Variants in COG6 observed in about 807,000 individuals in gnomAD.
COG6 encodes the protein conserved oligomeric Golgi complex subunit 6.
In COG6, 74 loss-of-function variants were observed where a neutral mutation model predicts 88.8. The observed-to-expected ratio is 0.83, with a 90% confidence interval of 0.69 to 1.01. The LOEUF (loss-of-function observed/expected upper bound fraction) is 1.01, where lower values mean the gene tolerates loss of function less well. COG6 is among the 50% of genes least tolerant of loss of function. The pLI, the probability that COG6 is intolerant of heterozygous loss-of-function variation, is 0.00. For missense variants in COG6, 800 were observed against 797.9 expected (o/e 1.00, Z -0.03); for synonymous variants, 286 against 278.7 (o/e 1.03, Z -0.26).
chr13:39,781,650 C>T (rs1457139773), intron 18 of COG6, among the ~76,000 whole-genome samples: 1 of 152,014 alleles, frequency 6.6e-6, no homozygotes. Context: ...TTCTCCCACC[C>T]CAATTCCCCC....
At position 39,655,684 on chromosome 13, in the gene COG6, C is replaced by A. The variant is rs374821573; in HGVS notation, c.-43C>A. ...AATACTCGCGCTGCCTCCGTGGTCC[C>A]TGCCTGGCTGAGGTGGCAGCAGGGG... On this transcript the variant is annotated 5_prime_UTR_variant, in exon 1 of 19. The change creates a new upstream start codon in the 5' untranslated region. Transcript: ENST00000455146. The A allele has an allele frequency of 4.5e-6, 7 of 1,554,936 alleles. No individual in the cohort carries two copies. In the South Asian group the frequency reaches 4.7e-5, roughly 10 times the overall value.
chr13:39,685,913 A>G lies in COG6; in HGVS notation c.789-1590A>G, dbSNP rs147012078. Reference sequence around the variant, plus strand: ...GGAATCTCAAAACCATTTCTTTTTAATGGAAGACAAACCCACAAAGAACCA... The same window carrying G: ...GGAATCTCAAAACCATTTCTTTTTAGTGGAAGACAAACCCACAAAGAACCA... On this transcript the variant is annotated intron_variant, in intron 8 of 18. Transcript: ENST00000455146. Among the ~76,000 whole-genome samples the G allele has an allele frequency of 6.7e-3, 1,013 of 152,274 alleles. 43 individuals are homozygous for G. The highest frequency in any genetic ancestry group is 0.056 in the Admixed American group (859 of 15,286).
chr13:39,736,258 G>T (rs1191456192), intron 18 of COG6, among the ~76,000 whole-genome samples: 1 of 151,730 alleles, frequency 6.6e-6, no homozygotes, highest in African/African-American at 2.4e-5. Context: ...AAGCTCAGTA[G>T]TTCTTTCTTC....
At chr13:39,780,937 T>C (rs1881609807) in intron 18 of COG6, among the ~76,000 whole-genome samples, 1 of 152,182 alleles carries the variant, frequency 6.6e-6, no homozygotes, top group Non-Finnish European at 1.5e-5. Flanking sequence ...CTCAAATTAG[T>C]CTAGGACATT....
intron 18 of COG6, among the ~76,000 whole-genome samples, chr13:39,788,173 C>T (rs943687245): frequency 3.3e-5 from 5 of 152,188 alleles, no homozygotes; most frequent in African/African-American, 1.2e-4. Flanking sequence ...CTTAATTGCC[C>T]TTTCCATCTT....
At chr13:39,671,184 T>C (rs951003521) in intron 4 of COG6, among the ~76,000 whole-genome samples, 1 of 152,100 alleles carries the variant, frequency 6.6e-6, no homozygotes, top group African/African-American at 2.4e-5. Context: ...AGGCACAGTA[T>C]GGCTTATCCA....
chr13:39,701,999 A>C (rs1877607894), intron 13 of COG6, among the ~76,000 whole-genome samples: 1 of 152,062 alleles, frequency 6.6e-6, no homozygotes, highest in African/African-American at 2.4e-5. Flanking sequence ...AAAAAAAGAA[A>C]ATTAGAAGTT....
chr13:39,687,927 C>T, intron 10 of COG6, 128 bp downstream of exon 10: 1 of 716,254 alleles, frequency 1.4e-6, no homozygotes, highest in African/African-American at 1.7e-5. Flanking sequence ...ATCCTGATTA[C>T]TCTTTCTCTT....
chr13:39,762,458 G>A (rs1881046694), intron 18 of COG6, among the ~76,000 whole-genome samples: 1 of 151,850 alleles, frequency 6.6e-6, no homozygotes, highest in African/African-American at 2.4e-5. Context: ...CTATAGCACT[G>A]TAGGGTGACT....
intron 18 of COG6, among the ~76,000 whole-genome samples, chr13:39,742,053 T>TGA (rs1311031209): frequency 6.6e-6 from 1 of 152,138 alleles, no homozygotes; most frequent in Non-Finnish European, 1.5e-5. Context: ...AAGCAAATGC[T>TGA]GAGAGATTTT....
chr13:39,668,881 A>C (rs1273127815), intron 4 of COG6, among the ~76,000 whole-genome samples: 1 of 152,182 alleles, frequency 6.6e-6, no homozygotes, highest in African/African-American at 2.4e-5. Flanking sequence ...ACAGAACTAT[A>C]GTATGGTACC....
chr13:39,669,650 G>T (rs1875498763), intron 4 of COG6, among the ~76,000 whole-genome samples: 1 of 152,142 alleles, frequency 6.6e-6, no homozygotes, highest in African/African-American at 2.4e-5. Context: ...AATAAGCATT[G>T]TATTGGAGCT....
Position 39,737,318 on chromosome 13 carries a change from T to A in COG6, c.1826+9770T>A, listed in dbSNP as rs573240577. Reference sequence around the variant, plus strand: ...CCCAAGGCCCACAGGGATCACTGCATGACTACTGCCTATGTTCCCTCAAGG... The same window carrying A: ...CCCAAGGCCCACAGGGATCACTGCAAGACTACTGCCTATGTTCCCTCAAGG... On this transcript the variant is annotated intron_variant, in intron 18 of 18. Transcript: ENST00000455146. Among the ~76,000 whole-genome samples the A allele has an allele frequency of 1.8e-4, 27 of 152,172 alleles. 1 individual carries two copies. The highest frequency in any genetic ancestry group is 4.2e-4 in the South Asian group (2 of 4,816).
exon 19 of COG6, chr13:39,789,674 C>A (rs559635332): frequency 8.1e-4 from 123 of 152,364 alleles, no homozygotes; most frequent in African/African-American, 2.5e-3. Context: ...CCCTCACCCT[C>A]TTTAAATTAG....
intron 4 of COG6, among the ~76,000 whole-genome samples, chr13:39,668,571 G>A (rs576549573): frequency 6.6e-6 from 1 of 152,176 alleles, no homozygotes; most frequent in East Asian, 1.9e-4. Flanking sequence ...GGCGGATCAC[G>A]AGGTCAGGAG....
At chr13:39,699,292 GTT>G (rs1166106435) in intron 12 of COG6, among the ~76,000 whole-genome samples, 1 of 151,670 alleles carries the variant, frequency 6.6e-6, no homozygotes, top group East Asian at 1.9e-4. Flanking sequence ...AAACATAGTA[GTT>G]TGTTTTTATT....
chr13:39,744,968 C>A (rs1303535162), intron 18 of COG6, among the ~76,000 whole-genome samples: 2 of 152,190 alleles, frequency 1.3e-5, no homozygotes, highest in African/African-American at 4.8e-5. Context: ...ACCATCTGAT[C>A]TTTGACAAAC....
intron 13 of COG6, among the ~76,000 whole-genome samples, chr13:39,717,284 G>A (rs1358200704): frequency 3.3e-5 from 5 of 151,756 alleles, no homozygotes; most frequent in Non-Finnish European, 7.4e-5. Flanking sequence ...TATGATGTGT[G>A]TTACTGTAGG....
At chr13:39,758,344 C>A (rs1880911725) in intron 18 of COG6, among the ~76,000 whole-genome samples, 3 of 151,784 alleles carry the variant, frequency 2.0e-5, no homozygotes, top group Admixed American at 2.0e-4. Context: ...CATAGCAAGA[C>A]CCCATCTCTG....
Sources: allele counts gnomAD v4.1 joint callset (sites outside exome capture counted in the v4.1 genomes callset), GRCh38; gene constraint gnomAD v4.1.1; transcripts MANE v1.5; gene names NCBI Gene and HGNC (gene_info 2026-07-23, HGNC 2026-07-21).